Variants in KCNJ14 observed in about 807,000 individuals in gnomAD.
KCNJ14 encodes ATP-sensitive inward rectifier potassium channel 14.
A neutral mutation model predicts 24.5 loss-of-function variants in KCNJ14; 18 were observed. The observed-to-expected ratio is 0.74, with a 90% CI of 0.51 to 1.09. The LOEUF is 1.09. Among genes scored for constraint, KCNJ14 ranks in the 50% least tolerant of loss-of-function variants. The pLI is 0.00. For missense variants in KCNJ14, 633 were observed against 623.0 expected (o/e 1.02, Z -0.17); for synonymous variants, 288 against 270.8 (o/e 1.06, Z -0.63).
rs1439680903 is a variant in KCNJ14 at position 48,464,671 on chromosome 19, A to C, written c.1205A>C (p.Glu402Ala). 2 of 1,613,970 alleles carry C rather than the reference A, an allele frequency of 1.2e-6. No individual in the cohort carries two copies. The highest frequency in any genetic ancestry group is 1.7e-6 in the Non-Finnish European group (2 of 1,180,010). Reference protein sequence around the residue: ...NELALSCCQEEDEDDETEEGN... With the variant: ...NELALSCCQEADEDDETEEGN... ...CTTGCTCTGAGCTGCTGCCAGGAGG[A>C]AGATGAGGACGATGAGACTGAGGAA... The change falls in exon 3 of 3, where the codon GAA becomes GCA. Residue 402 changes from glutamate to alanine, a missense_variant. Coordinates refer to ENST00000342291, the MANE Select transcript of KCNJ14 (RefSeq NM_013348.4).
intron 1 of KCNJ14, among the ~76,000 whole-genome samples, chr19:48,460,051 G>A (rs972228771): frequency 9.2e-5 from 14 of 151,846 alleles, no homozygotes; most frequent in African/African-American, 3.1e-4. Flanking sequence ...TAGTTCTGAT[G>A]CAATTCAATT....
rs1302853263 is a variant in KCNJ14 at position 48,462,718 on chromosome 19, C to G, written c.714+280C>G. ...CTGTGGGTAGACCCCAAAAGGGCCACGCCTGGCCTGTCAAGGCTCTGGGCC... is the reference window on the plus strand; with the variant it reads ...CTGTGGGTAGACCCCAAAAGGGCCAGGCCTGGCCTGTCAAGGCTCTGGGCC... On this transcript the variant is annotated intron_variant, in intron 2 of 2. Coordinates refer to ENST00000342291, the MANE Select transcript of KCNJ14 (RefSeq NM_013348.4). The surrounding 1 kb of genome is among the most constrained non-coding windows in gnomAD (Gnocchi z 4.9). Among the ~76,000 whole-genome samples, 3 of 152,200 alleles carry G rather than the reference C, an allele frequency of 2.0e-5. No homozygotes were observed. Among genetic ancestry groups the G allele is most frequent in the Non-Finnish European group, 4.4e-5 (3 of 68,026 alleles).
Position 48,462,155 on chromosome 19 carries a change from C to A in KCNJ14, c.431C>A (p.Thr144Lys). The change falls in exon 2 of 3, where the codon ACG becomes AAG. Residue 144 changes from threonine to lysine, a missense_variant. Thr to Lys is a moderately conservative substitution (Grantham distance 78). Coordinates refer to ENST00000342291, the MANE Select transcript of KCNJ14 (RefSeq NM_013348.4). The surrounding 1 kb of genome is among the most constrained non-coding windows in gnomAD (Gnocchi z 4.9). ...FLAAFLFALE[T>K]QTSIGYGVRS... The stretch of plus-strand genomic sequence containing the variant: ...GCCGCCTTCCTCTTCGCGCTGGAGA[C>A]GCAGACGTCCATCGGCTACGGCGTG... 1 of 1,585,674 alleles carries A rather than the reference C, an allele frequency of 6.3e-7. No individual in the cohort carries two copies. Among genetic ancestry groups the A allele is most frequent in the East Asian group, 2.3e-5 (1 of 43,418 alleles).
In KCNJ14 at chr19:48,462,045, C is replaced by G. The variant is rs752153994; in HGVS notation, c.321C>G (p.Ala107=). The part of the protein sequence containing the change: ...FLASWLLFGL[A]FWLIASLHGD... ...CCTCCTGGCTGCTCTTCGGCCTGGC[C>G]TTCTGGCTCATTGCCTCGCTGCACG... is the stretch of plus-strand genomic sequence containing the variant. Residue 107 remains alanine, a synonymous_variant, in exon 2 of 3, where the codon GCC becomes GCG. Coordinates refer to ENST00000342291, the MANE Select transcript of KCNJ14 (RefSeq NM_013348.4). The surrounding 1 kb of genome is among the most constrained non-coding windows in gnomAD (Gnocchi z 4.9). 20 of 1,611,260 alleles carry G rather than the reference C, an allele frequency of 1.2e-5. No homozygotes were observed. The Middle Eastern group carries it at 5.0e-4, about 40-fold the overall frequency.
At position 48,462,089 on chromosome 19, in the gene KCNJ14, C is replaced by T; in HGVS notation, c.365C>T (p.Pro122Leu). Residue 122 changes from proline to leucine, a missense_variant, in exon 2 of 3, where the codon CCA (proline) becomes CTA (leucine). Transcript: ENST00000342291. The surrounding 1 kb of genome is among the most constrained non-coding windows in gnomAD (Gnocchi z 4.9). ...ASLHGDLAAPPPPAPCFSHVA... is the reference protein window; with the variant it reads ...ASLHGDLAAPLPPAPCFSHVA... ...CTGCACGGCGACCTGGCCGCCCCGC[C>T]ACCGCCCGCGCCCTGCTTCTCACAC... 2 of 1,603,204 alleles carry T rather than the reference C, an allele frequency of 1.2e-6. No individual in the cohort carries two copies. The highest frequency in any genetic ancestry group is 2.2e-5 in the South Asian group (2 of 89,838).
At chr19:48,458,290 T>G (rs1190177092) in intron 1 of KCNJ14, among the ~76,000 whole-genome samples, 1 of 152,200 alleles carries the variant, frequency 6.6e-6, no homozygotes, top group Admixed American at 6.5e-5. Flanking sequence ...CAGCTGCAAT[T>G]TTTCATTCCC....
chr19:48,461,811 C>G lies in KCNJ14; in HGVS notation c.87C>G (p.Pro29=), dbSNP rs1297727394. Residue 29 remains proline, a synonymous_variant, in exon 2 of 3, where the codon CCC becomes CCG. Transcript: ENST00000342291. ...SRAGDEEEAG[P]GLCRNGWAPA... ...CGGGCGATGAAGAGGAGGCCGGGCCCGGGTTGTGCCGCAACGGGTGGGCGC... is the reference window on the plus strand; with the variant it reads ...CGGGCGATGAAGAGGAGGCCGGGCCGGGGTTGTGCCGCAACGGGTGGGCGC... 2.0e-6 allele frequency: 3 copies of G among 1,495,238 alleles called. No individual in the cohort carries two copies. Among genetic ancestry groups the G allele is most frequent in the South Asian group, 1.4e-5 (1 of 73,948 alleles). The allele number at this position is 1,495,238 out of a possible 1,614,324, so 92.6% of individuals were successfully genotyped here.
intron 1 of KCNJ14, among the ~76,000 whole-genome samples, chr19:48,459,959 G>C (rs1277054535): frequency 1.3e-5 from 2 of 151,552 alleles, no homozygotes; most frequent in Non-Finnish European, 2.9e-5. Flanking sequence ...GACAGAGATT[G>C]CAGTGAGCCA....
At chr19:48,456,577 A>T (rs556080594) in intron 1 of KCNJ14, 85 of 152,332 alleles carry the variant, frequency 5.6e-4, no homozygotes, top group African/African-American at 2.0e-3. Flanking sequence ...ACATTGTCTC[A>T]TGGTCTTCTT....
chr19:48,456,258 A>C (rs1971538815), intron 1 of KCNJ14: 1 of 152,308 alleles, frequency 6.6e-6, no homozygotes, highest in Non-Finnish European at 1.5e-5. Context: ...CTGAGTGGGG[A>C]TCCCCAGGCT....
rs1971648875 is a variant in KCNJ14 at position 48,465,773 on chromosome 19, T to C, written c.*996T>C. Reference sequence around the variant, plus strand: ...CCAATGGAGTTGAGAATCTCAATGATTCTAGATGACTTCTTGTGGTTCTGT... The same window carrying C: ...CCAATGGAGTTGAGAATCTCAATGACTCTAGATGACTTCTTGTGGTTCTGT... On this transcript the variant is annotated 3_prime_UTR_variant, in exon 3 of 3. Coordinates refer to ENST00000342291, the MANE Select transcript of KCNJ14 (RefSeq NM_013348.4). 6.6e-6 allele frequency: 1 copy of C among 152,652 alleles called. No homozygotes were observed. The highest frequency in any genetic ancestry group is 2.4e-5 in the African/African-American group (1 of 41,442). The allele number at this position is 152,652 out of a possible 1,614,324, so 9.5% of individuals were successfully genotyped here. A position where few individuals can be genotyped will look rare whatever the true frequency, so the allele number is the denominator to read the frequency against.
rs1047058267 is a variant in KCNJ14, at chr19:48,462,434, T to C, written c.710T>C (p.Leu237Pro). 6 of 1,471,216 alleles carry C rather than the reference T, an allele frequency of 4.1e-6. No individual in the cohort carries two copies. The highest frequency in any genetic ancestry group is 5.4e-6 in the Non-Finnish European group (6 of 1,108,052). The allele number at this position is 1,471,216 out of a possible 1,614,324, so 91.1% of individuals were successfully genotyped here. A position where few individuals can be genotyped will look rare whatever the true frequency, so the allele number is the denominator to read the frequency against. Residue 237 changes from leucine (L) to proline (P), a missense_variant, in exon 2 of 3, where the codon CTG (leucine) becomes CCG (proline). Physicochemically the swap from Leu to Pro is moderately conservative, Grantham distance 98. Transcript: ENST00000342291. This position sits in a 1 kb window ranked among gnomAD's most constrained non-coding sequence, Gnocchi z 4.9. Reference protein sequence around the residue: ...LVEAHVRAQLLQPRVTPEGEY... With the variant: ...LVEAHVRAQLPQPRVTPEGEY... ...GAGGCCCACGTGCGTGCCCAGCTGC[T>C]GCAGGTGCGCCCGGGAGGAGAGGCG... is the stretch of plus-strand genomic sequence containing the variant.
chr19:48,457,458 A>G (rs1971551502), intron 1 of KCNJ14, among the ~76,000 whole-genome samples: 1 of 152,212 alleles, frequency 6.6e-6, no homozygotes, highest in African/African-American at 2.4e-5. Flanking sequence ...TATGGTAAGA[A>G]GGCCCTTCCT....
At position 48,464,515 on chromosome 19, in the gene KCNJ14, A is replaced by T. The variant is rs766016101; in HGVS notation, c.1049A>T (p.His350Leu). 6.2e-7 allele frequency: 1 copy of T among 1,614,034 alleles called. No individual in the cohort carries two copies. The highest frequency in any genetic ancestry group is 8.5e-7 in the Non-Finnish European group (1 of 1,180,038). The change falls in exon 3 of 3, where the codon CAT becomes CTT. Residue 350 changes from histidine (H) to leucine (L), a missense_variant. By Grantham distance (99) the His-to-Leu change is moderately conservative (BLOSUM62 -3). Transcript: ENST00000342291. ...TATGAGGTCGACTATCGCCACTTCCATCGCACTTATGAGGTCCCAGGGACA... is the reference window on the plus strand; with the variant it reads ...TATGAGGTCGACTATCGCCACTTCCTTCGCACTTATGAGGTCCCAGGGACA... ...SQYEVDYRHFHRTYEVPGTPV... is the reference protein window; with the variant it reads ...SQYEVDYRHFLRTYEVPGTPV...
Position 48,461,994 on chromosome 19 carries a change from C to T in KCNJ14, c.270C>T (p.Cys90=), listed in dbSNP as rs1971603644. The change falls in exon 2 of 3, where the codon TGC becomes TGT. Residue 90 remains cysteine, a synonymous_variant. Coordinates refer to ENST00000342291, the MANE Select transcript of KCNJ14 (RefSeq NM_013348.4). ...TCVDVRWRWM[C]LLFSCSFLAS... ...TGGACGTGCGCTGGCGCTGGATGTG[C>T]CTGCTCTTCTCCTGCTCCTTCCTCG... is the stretch of plus-strand genomic sequence containing the variant. The T allele has an allele frequency of 1.9e-6, 3 of 1,613,112 alleles. No individual in the cohort carries two copies. The highest frequency in any genetic ancestry group is 2.5e-6 in the Non-Finnish European group (3 of 1,179,718).
chr19:48,464,803 G>A lies in KCNJ14; in HGVS notation c.*26G>A. 1 of 1,522,656 alleles carries A rather than the reference G, an allele frequency of 6.6e-7. No individual in the cohort carries two copies. Among genetic ancestry groups the A allele is most frequent in the Non-Finnish European group, 9.0e-7 (1 of 1,112,996 alleles). 94.3% of individuals were successfully genotyped at this position (1,522,656 alleles called of 1,614,324 possible). A position where few individuals can be genotyped will look rare whatever the true frequency, so the allele number is the denominator to read the frequency against. ...TGCAAACTGATGTCCCCTTCCCCGT[G>A]TATGCCCCCTTCCCCAAGGTAGCAA... On this transcript the variant is annotated 3_prime_UTR_variant, in exon 3 of 3. Transcript: ENST00000342291.
At chr19:48,463,291 G>A (rs1351371064) in intron 2 of KCNJ14, among the ~76,000 whole-genome samples, 2 of 152,164 alleles carry the variant, frequency 1.3e-5, no homozygotes, top group Non-Finnish European at 2.9e-5. Flanking sequence ...GGTGGTGGGA[G>A]CTGCAACTCC....
Position 48,459,098 on chromosome 19 carries a change from C to T in KCNJ14, c.-55-2572C>T, listed in dbSNP as rs952506019. ...TACTAAAAATACAAAAAAAATTAGC[C>T]GGGCGTAGTGGCAGGCGCCTGTAGT... On this transcript the variant is annotated intron_variant, in intron 1 of 2. Transcript: ENST00000342291. 2.0e-5 allele frequency among the ~76,000 whole-genome samples: 3 copies of T among 150,522 alleles called. 1 individual carries two copies. Among genetic ancestry groups the T allele is most frequent in the Admixed American group, 1.3e-4 (2 of 15,102 alleles).
At position 48,462,062 on chromosome 19, in the gene KCNJ14, C is replaced by G. The variant is rs1971605685; in HGVS notation, c.338C>G (p.Ser113Trp). 1.2e-6 allele frequency: 2 copies of G among 1,608,886 alleles called. No individual in the cohort carries two copies. Among genetic ancestry groups the G allele is most frequent in the Non-Finnish European group, 1.7e-6 (2 of 1,179,226 alleles). ...GGCCTGGCCTTCTGGCTCATTGCCT[C>G]GCTGCACGGCGACCTGGCCGCCCCG... ...LFGLAFWLIA[S>W]LHGDLAAPPP... Residue 113 changes from serine to tryptophan, a missense_variant, in exon 2 of 3, where the codon TCG becomes TGG. Transcript: ENST00000342291. The surrounding 1 kb of genome is among the most constrained non-coding windows in gnomAD (Gnocchi z 4.9).
Sources: allele counts gnomAD v4.1 joint callset (sites outside exome capture counted in the v4.1 genomes callset), GRCh38; gene constraint gnomAD v4.1.1; non-coding constraint Gnocchi (gnomAD v3.1); transcripts MANE v1.5; gene names NCBI Gene and HGNC (gene_info 2026-07-23, HGNC 2026-07-21).